Variants in COG5 observed in about 807,000 individuals in gnomAD.
The protein encoded by COG5 is component of oligomeric golgi complex 5.
COG5 carries 86 observed loss-of-function variants against 110.4 expected under a neutral mutation model. The ratio of observed to expected loss-of-function variants is 0.78; its 90% CI spans 0.65 to 0.93. COG5 has a LOEUF of 0.93. Among genes scored for constraint, COG5 ranks in the 40% least tolerant of loss-of-function variants. The pLI, the probability that COG5 is intolerant of heterozygous loss-of-function variation, is 0.00. For synonymous variants in COG5, 360 were observed against 334.6 expected (o/e 1.08, Z -0.83); for missense variants, 1,077 against 987.0 (o/e 1.09, Z -1.22).
At chr7:107,488,920 T>A (rs1176100084) in intron 6 of COG5, among the ~76,000 whole-genome samples, 2 of 152,138 alleles carry the variant, frequency 1.3e-5, no homozygotes, top group East Asian at 3.9e-4. Flanking sequence ...CAAAACTATG[T>A]ATTTCCCCAA....
chr7:107,392,208 C>A (rs1410337949), intron 7 of COG5, among the ~76,000 whole-genome samples: 1 of 152,114 alleles, frequency 6.6e-6, no homozygotes, highest in Non-Finnish European at 1.5e-5. Context: ...AGGGTATGAT[C>A]CTTATTCCAA....
chr7:107,386,159 A>T (rs1044088290), intron 7 of COG5, among the ~76,000 whole-genome samples: 4 of 151,728 alleles, frequency 2.6e-5, no homozygotes, highest in African/African-American at 9.7e-5. Context: ...TTTGAGCTAT[A>T]GCAAGGGTAA....
chr7:107,505,667 T>C (rs949440734), intron 6 of COG5, among the ~76,000 whole-genome samples: 11 of 152,210 alleles, frequency 7.2e-5, no homozygotes, highest in African/African-American at 2.2e-4. Context: ...CTTTCCTTGC[T>C]GAGCCCAGCA....
chr7:107,553,827 T>C (rs1238712956), intron 3 of COG5, among the ~76,000 whole-genome samples: 1 of 152,152 alleles, frequency 6.6e-6, no homozygotes, highest in Admixed American at 6.5e-5. Flanking sequence ...TCTGGTATTG[T>C]TGATGTTTTT....
chr7:107,443,730 A>G (rs1414885103), intron 6 of COG5, among the ~76,000 whole-genome samples: 3 of 152,180 alleles, frequency 2.0e-5, no homozygotes, highest in African/African-American at 7.2e-5. Flanking sequence ...CTATCAACAT[A>G]GTTTAGAATT....
intron 11 of COG5, among the ~76,000 whole-genome samples, chr7:107,307,521 C>A (rs1425922126): frequency 6.6e-6 from 1 of 152,154 alleles, no homozygotes; most frequent in Non-Finnish European, 1.5e-5. Flanking sequence ...CTGGCCAATG[C>A]CCCTCCATCA....
chr7:107,322,393 C>T (rs1809382342), intron 11 of COG5, among the ~76,000 whole-genome samples: 1 of 152,146 alleles, frequency 6.6e-6, no homozygotes, highest in Non-Finnish European at 1.5e-5. Context: ...GTTGGACTTG[C>T]CATTTCTCCA....
chr7:107,320,536 T>C (rs1192391340), intron 11 of COG5, among the ~76,000 whole-genome samples: 1 of 152,174 alleles, frequency 6.6e-6, no homozygotes, highest in Non-Finnish European at 1.5e-5. Context: ...ATCTCAAGAT[T>C]CAGTAATCAG....
chr7:107,553,990 T>C (rs969440480), intron 3 of COG5, among the ~76,000 whole-genome samples: 8 of 152,254 alleles, frequency 5.3e-5, no homozygotes, highest in African/African-American at 1.9e-4. Flanking sequence ...CAGAAAAGGG[T>C]TAACTAACTT....
At chr7:107,232,842 G>T (rs1264754255) in intron 18 of COG5, among the ~76,000 whole-genome samples, 1 of 152,108 alleles carries the variant, frequency 6.6e-6, no homozygotes, top group Non-Finnish European at 1.5e-5. Flanking sequence ...CTTCTCTCCA[G>T]CCCCCGTTTG....
At chr7:107,210,377 C>T in intron 21 of COG5, 149 bp downstream of exon 21, 1 of 1,449,594 alleles carries the variant, frequency 6.9e-7, no homozygotes, top group Non-Finnish European at 9.1e-7. Context: ...GTTGCTCCAG[C>T]ACCCGTGCCT....
At chr7:107,543,543 AG>A (rs1802204676) in intron 5 of COG5, among the ~76,000 whole-genome samples, 1 of 152,104 alleles carries the variant, frequency 6.6e-6, no homozygotes, top group African/African-American at 2.4e-5. Flanking sequence ...ATCCCAACTC[AG>A]GCTCCAGGCC....
intron 6 of COG5, among the ~76,000 whole-genome samples, chr7:107,523,427 C>T (rs1017691080): frequency 1.7e-4 from 26 of 151,800 alleles, no homozygotes; most frequent in Admixed American, 1.7e-3. Context: ...CAAGATACCA[C>T]GACATACCTA....
At chr7:107,296,080 T>C (rs1363479032) in intron 12 of COG5, among the ~76,000 whole-genome samples, 2 of 151,936 alleles carry the variant, frequency 1.3e-5, no homozygotes, top group African/African-American at 2.4e-5. Context: ...TTCTTTCTTT[T>C]CCTTCCCTTC....
intron 6 of COG5, among the ~76,000 whole-genome samples, chr7:107,453,156 A>G (rs368247473): frequency 1.3e-5 from 2 of 152,186 alleles, no homozygotes; most frequent in East Asian, 3.8e-4. Flanking sequence ...AGACCTTCCT[A>G]TGGTGATTTT....
At chr7:107,498,495 CAAAT>C (rs997664382) in intron 6 of COG5, among the ~76,000 whole-genome samples, 12 of 151,980 alleles carry the variant, frequency 7.9e-5, no homozygotes, top group Non-Finnish European at 1.3e-4. Context: ...AGAATACATA[CAAAT>C]AGCCAACAAG....
intron 1 of COG5, among the ~76,000 whole-genome samples, chr7:107,559,076 T>TA (rs1563100543): frequency 1.3e-5 from 2 of 152,062 alleles, no homozygotes; most frequent in East Asian, 3.9e-4. Context: ...AATACACAAA[T>TA]ACTGTTATAG....
intron 6 of COG5, chr7:107,470,355 C>G (rs538853338): frequency 6.6e-6 from 1 of 152,240 alleles, no homozygotes; most frequent in African/African-American, 2.4e-5. Context: ...ACCCTCTTCC[C>G]CCAGTCCTCT....
rs768438434 is a variant in COG5, at chr7:107,563,877, C to A, written c.20G>T (p.Ser7Ile). ...AGCTCCGAGGCCAGCTACAGCGACG[C>A]TGCCGCCGCCACCTTCCATGTTGGC... is the stretch of plus-strand genomic sequence containing the variant. MEGGGG[S>I]VAVAGLGARG... Residue 7 changes from serine to isoleucine, a missense_variant, in exon 1 of 22, where the codon AGC (serine) becomes ATC (isoleucine). By Grantham distance (142) the Ser-to-Ile change is moderately radical. Coordinates refer to ENST00000297135, the MANE Select transcript of COG5 (RefSeq NM_006348.5). 2 of 1,613,632 alleles carry A rather than the reference C, an allele frequency of 1.2e-6. No individual in the cohort carries two copies. Among genetic ancestry groups the A allele is most frequent in the Admixed American group, 3.3e-5 (2 of 60,026 alleles).
Sources: allele counts gnomAD v4.1 joint callset (sites outside exome capture counted in the v4.1 genomes callset), GRCh38; gene constraint gnomAD v4.1.1; transcripts MANE v1.5; gene names NCBI Gene and HGNC (gene_info 2026-07-23, HGNC 2026-07-21).